The following IGSF21 variants were observed in gnomAD, a reference collection of about 807,000 sequenced individuals.
The protein encoded by IGSF21 is immunoglobulin superfamily member 21.
Under a neutral mutation model 46.8 loss-of-function variants are expected in IGSF21, and 28 were observed. The observed-to-expected ratio is 0.60, with a 90% CI of 0.44 to 0.82. The LOEUF (loss-of-function observed/expected upper bound fraction) is 0.82. IGSF21 is among the 40% of genes least tolerant of loss of function. The pLI, the probability that IGSF21 is intolerant of heterozygous loss-of-function variation, is 0.00. For synonymous variants in IGSF21, 284 were observed against 273.6 expected (o/e 1.04, Z -0.38); for missense variants, 624 against 665.5 (o/e 0.94, Z 0.69).
chr1:18,305,018 A>T (rs1203261905), intron 3 of IGSF21, among the ~76,000 whole-genome samples: 2 of 152,206 alleles, frequency 1.3e-5, no homozygotes, highest in Non-Finnish European at 2.9e-5. Context: ...GCCTTGGAAG[A>T]TAACTGTGTT....
chr1:18,214,890 C>T (rs180944280), intron 1 of IGSF21, among the ~76,000 whole-genome samples: 46 of 152,244 alleles, frequency 3.0e-4, no homozygotes, highest in Admixed American at 1.9e-3. Context: ...TACAGGTGCA[C>T]GCCACCACAC....
intron 1 of IGSF21, among the ~76,000 whole-genome samples, chr1:18,207,358 T>A (rs909398209): frequency 2.0e-5 from 3 of 152,192 alleles, no homozygotes; most frequent in African/African-American, 7.2e-5. Flanking sequence ...CATGGAGTGA[T>A]AACCCATCAT....
At chr1:18,268,013 G>A (rs989822710) in intron 2 of IGSF21, among the ~76,000 whole-genome samples, 1 of 152,210 alleles carries the variant, frequency 6.6e-6, no homozygotes, top group Admixed American at 6.5e-5. Flanking sequence ...ACACCACTAG[G>A]ACAGGGATCT....
At chr1:18,197,113 C>T (rs780741779) in intron 1 of IGSF21, among the ~76,000 whole-genome samples, 2 of 152,218 alleles carry the variant, frequency 1.3e-5, no homozygotes, top group Middle Eastern at 3.2e-3. Context: ...AAGGAGGTGA[C>T]GTGCTCAGAG....
At chr1:18,375,171 G>T (rs112191122) in intron 6 of IGSF21, among the ~76,000 whole-genome samples, 6 of 152,178 alleles carry the variant, frequency 3.9e-5, no homozygotes, top group Non-Finnish European at 7.3e-5. Flanking sequence ...CCTGTTTTGC[G>T]TATGTGTTTG....
At chr1:18,221,417 C>T (rs1570352363) in intron 1 of IGSF21, among the ~76,000 whole-genome samples, 1 of 152,104 alleles carries the variant, frequency 6.6e-6, no homozygotes, top group Non-Finnish European at 1.5e-5. Context: ...TGGAAGCCCT[C>T]GCTGACCCCG....
chr1:18,110,989 G>GGTTCTCGT (rs1182969384), intron 1 of IGSF21: 1 of 152,320 alleles, frequency 6.6e-6, no homozygotes, highest in African/African-American at 2.4e-5. Flanking sequence ...CGGGTTCTCG[G>GGTTCTCGT]GTTCTCGGGT....
chr1:18,224,116 G>A (rs114469739), intron 1 of IGSF21, among the ~76,000 whole-genome samples: 1,648 of 152,286 alleles, frequency 0.011, 20 homozygotes, highest in African/African-American at 0.037. Context: ...CTCTCAGGAT[G>A]GTGCAATGAG....
At chr1:18,375,531 C>T (rs1463612444) in intron 6 of IGSF21, among the ~76,000 whole-genome samples, 2 of 152,164 alleles carry the variant, frequency 1.3e-5, no homozygotes, top group African/African-American at 2.4e-5. Context: ...GGCATCTTGG[C>T]TTTCAAGCTC....
intron 2 of IGSF21, among the ~76,000 whole-genome samples, chr1:18,260,610 AAG>A (rs1471920749): frequency 6.6e-6 from 1 of 152,192 alleles, no homozygotes; most frequent in Non-Finnish European, 1.5e-5. Flanking sequence ...TTTCTAGAAA[AAG>A]GGTGGTGACT....
At chr1:18,156,221 G>C (rs922171504) in intron 1 of IGSF21, among the ~76,000 whole-genome samples, 2 of 152,154 alleles carry the variant, frequency 1.3e-5, no homozygotes, top group African/African-American at 4.8e-5. Flanking sequence ...GTCTGGGCTG[G>C]CATGGAATTC....
At chr1:18,157,424 G>A (rs9659675) in intron 1 of IGSF21, among the ~76,000 whole-genome samples, 24,238 of 152,200 alleles carry the variant, frequency 0.16, 2,413 homozygotes, top group Middle Eastern at 0.29. Context: ...TCAAGGTCTC[G>A]GTCATAGCCA....
chr1:18,261,819 C>G (rs1289128425), intron 2 of IGSF21, among the ~76,000 whole-genome samples: 1 of 152,178 alleles, frequency 6.6e-6, no homozygotes, highest in Non-Finnish European at 1.5e-5. Context: ...CCCCCGACCC[C>G]TCAGACAAGG....
chr1:18,228,607 ATCT>A (rs1447981056), intron 2 of IGSF21, among the ~76,000 whole-genome samples: 2 of 152,286 alleles, frequency 1.3e-5, no homozygotes, highest in Non-Finnish European at 2.9e-5. Flanking sequence ...ACTGAGTGAA[ATCT>A]TCTTGTGTCT....
intron 3 of IGSF21, among the ~76,000 whole-genome samples, chr1:18,326,972 G>A (rs2085663643): frequency 6.6e-6 from 1 of 152,176 alleles, no homozygotes. Flanking sequence ...GTGGGGTGGA[G>A]GCGAGGAAAC....
intron 1 of IGSF21, among the ~76,000 whole-genome samples, chr1:18,121,862 G>A (rs367608804): frequency 6.6e-5 from 10 of 152,178 alleles, no homozygotes; most frequent in East Asian, 3.9e-4. Flanking sequence ...CCATGTACCC[G>A]ACTGTCCAAA....
At chr1:18,208,548 A>ATTT (rs10601446) in intron 1 of IGSF21, among the ~76,000 whole-genome samples, 2 of 85,850 alleles carry the variant, frequency 2.3e-5, no homozygotes, top group African/African-American at 9.1e-5. Context: ...AGCCCAGCTA[A>ATTT]TTTTTTTTTT....
chr1:18,120,546 T>C (rs2086225715), intron 1 of IGSF21, among the ~76,000 whole-genome samples: 2 of 152,300 alleles, frequency 1.3e-5, no homozygotes, highest in Admixed American at 6.5e-5. Flanking sequence ...ATTTATGAAA[T>C]GCTCTACGAT....
At chr1:18,114,413 A>G (rs1570236622) in intron 1 of IGSF21, 2 of 152,242 alleles carry the variant, frequency 1.3e-5, no homozygotes, top group East Asian at 3.8e-4. Context: ...TGGCCTTGCG[A>G]CATGTGCAAC....
Sources: gnomAD v4.1 joint callset for allele counts (sites outside exome capture counted in the v4.1 genomes callset) on GRCh38, gnomAD v4.1.1 for gene constraint, MANE v1.5 for transcripts, NCBI Gene and HGNC (gene_info 2026-07-23, HGNC 2026-07-21) for gene names.